Variants in ASXL3 observed in about 807,000 individuals in gnomAD.
ASXL3 encodes ASXL transcriptional regulator 3, also known as putative Polycomb group protein ASXL3.
In ASXL3, 34 loss-of-function variants were observed where a neutral mutation model predicts 170.6. The ratio of observed to expected loss-of-function variants is 0.20; its 90% CI spans 0.15 to 0.27. The LOEUF is 0.27. ASXL3 is among the 10% of genes least tolerant of loss of function. The pLI, the probability that ASXL3 is intolerant of heterozygous loss-of-function variation, is 1.00. For missense variants in ASXL3, 2,592 were observed against 2,695.3 expected, an observed-to-expected ratio of 0.96 and a Z score of 0.85; for synonymous variants, 1,002 against 989.1, an observed-to-expected ratio of 1.01 and a Z score of -0.24.
intron 2 of ASXL3, among the ~76,000 whole-genome samples, chr18:33,631,475 A>G (rs1375250407): frequency 6.6e-6 from 1 of 152,126 alleles, no homozygotes; most frequent in Non-Finnish European, 1.5e-5. Context: ...TTGAAAAGTC[A>G]GTTGGCATTA....
At chr18:33,630,977 A>G (rs1472994557) in intron 2 of ASXL3, among the ~76,000 whole-genome samples, 1 of 152,134 alleles carries the variant, frequency 6.6e-6, no homozygotes, top group East Asian at 1.9e-4. Flanking sequence ...ATAGAAAAAA[A>G]TTAGAAAAAA....
At chr18:33,595,177 C>G (rs190830368) in intron 1 of ASXL3, among the ~76,000 whole-genome samples, 1 of 152,120 alleles carries the variant, frequency 6.6e-6, no homozygotes, top group Non-Finnish European at 1.5e-5. Flanking sequence ...AGGTAAATAA[C>G]TTTTACCGCT....
At chr18:33,618,242 A>G (rs897700582) in intron 2 of ASXL3, among the ~76,000 whole-genome samples, 13 of 152,132 alleles carry the variant, frequency 8.5e-5, no homozygotes, top group African/African-American at 3.1e-4. Flanking sequence ...AGCAAAAATG[A>G]AATTGATAAT....
At chr18:33,686,867 A>G (rs1358875100) in intron 8 of ASXL3, among the ~76,000 whole-genome samples, 3 of 152,308 alleles carry the variant, frequency 2.0e-5, no homozygotes, top group Admixed American at 2.0e-4. Flanking sequence ...GATAAATAAA[A>G]TGCAGTCCTT....
At chr18:33,618,685 C>CT (rs2065465877) in intron 2 of ASXL3, among the ~76,000 whole-genome samples, 1 of 152,010 alleles carries the variant, frequency 6.6e-6, no homozygotes, top group Admixed American at 6.6e-5. Flanking sequence ...CCATTTCTGC[C>CT]TTTGAGTATT....
intron 4 of ASXL3, among the ~76,000 whole-genome samples, chr18:33,651,726 A>G (rs2066002136): frequency 6.6e-6 from 1 of 152,100 alleles, no homozygotes; most frequent in African/African-American, 2.4e-5. Context: ...TTTTGTAAAA[A>G]CTGATAAGAA....
Position 33,607,732 on chromosome 18 carries a change from G to T in ASXL3, c.137+56G>T, listed in dbSNP as rs149720260. 2.3e-6 allele frequency: 3 copies of T among 1,316,972 alleles called. No homozygotes were observed. The African/African-American group carries it at 4.4e-5, about 19-fold the overall frequency. 81.6% of individuals were successfully genotyped at this position (1,316,972 alleles called of 1,614,324 possible). A position where few individuals can be genotyped will look rare whatever the true frequency, so the allele number is the denominator to read the frequency against. On this transcript the variant is annotated intron_variant, in intron 2 of 11. Coordinates refer to ENST00000269197, the MANE Select transcript of ASXL3 (RefSeq NM_030632.3). ...TTTCATTAAATAATAATTGCCACTC[G>T]TTGCTAAGCGATAGGTGTATCTAGA...
chr18:33,605,364 T>TTACACAGCTCAATCAA (rs2065235015), intron 1 of ASXL3: 1 of 152,060 alleles, frequency 6.6e-6, no homozygotes, highest in Non-Finnish European at 1.5e-5. Context: ...CTATTAATGT[T>TTACACAGCTCAATCAA]TACACAGCTC....
At chr18:33,594,972 C>T (rs1599377369) in intron 1 of ASXL3, among the ~76,000 whole-genome samples, 1 of 152,100 alleles carries the variant, frequency 6.6e-6, no homozygotes, top group East Asian at 1.9e-4. Flanking sequence ...TAGTATAAAC[C>T]ATTATGGTAA....
intron 1 of ASXL3, among the ~76,000 whole-genome samples, chr18:33,591,919 G>GCAA (rs2065081406): frequency 6.6e-6 from 1 of 152,070 alleles, no homozygotes; most frequent in South Asian, 2.1e-4. Flanking sequence ...GGGATTACAG[G>GCAA]CAACACTACT....
At chr18:33,622,391 T>G (rs2145154851) in intron 2 of ASXL3, among the ~76,000 whole-genome samples, 1 of 152,268 alleles carries the variant, frequency 6.6e-6, no homozygotes, top group South Asian at 2.1e-4. Flanking sequence ...TATTAAACCC[T>G]TTGCATTTAA....
intron 2 of ASXL3, among the ~76,000 whole-genome samples, chr18:33,613,955 C>T (rs1046894473): frequency 6.6e-6 from 1 of 152,082 alleles, no homozygotes; most frequent in African/African-American, 2.4e-5. Flanking sequence ...TCTGAACCTT[C>T]AGCAAGTCAT....
chr18:33,668,360 G>A (rs558477853), intron 5 of ASXL3, among the ~76,000 whole-genome samples: 3 of 151,138 alleles, frequency 2.0e-5, no homozygotes, highest in Non-Finnish European at 2.9e-5. Flanking sequence ...CCCAGGAGGT[G>A]GAGCTTGCAG....
chr18:33,623,255 C>A (rs1229748105), intron 2 of ASXL3, among the ~76,000 whole-genome samples: 2 of 152,142 alleles, frequency 1.3e-5, no homozygotes, highest in Non-Finnish European at 2.9e-5. Flanking sequence ...AATAAACTCT[C>A]TCAATTTTTC....
chr18:33,733,997 A>G (rs2067498750), intron 9 of ASXL3, among the ~76,000 whole-genome samples: 1 of 142,814 alleles, frequency 7.0e-6, no homozygotes, highest in African/African-American at 3.0e-5. Context: ...GACAGTGAAT[A>G]TACGCTCTTT....
chr18:33,740,504 A>G, intron 11 of ASXL3, 61 bp downstream of exon 11: 1 of 1,410,826 alleles, frequency 7.1e-7, no homozygotes, highest in South Asian at 1.6e-5. Context: ...TTAGAAGCCT[A>G]ATTTTTCAAG....
chr18:33,743,095 G>A lies in ASXL3; in HGVS notation c.3247G>A (p.Val1083Ile). 2 of 1,613,608 alleles carry A rather than the reference G, an allele frequency of 1.2e-6. No homozygotes were observed. The highest frequency in any genetic ancestry group is 1.7e-6 in the Non-Finnish European group (2 of 1,179,782). ...AAAVAAAASI[V>I]SGAMGSPGEG... ...TGCTGTGGCTGCTGCAGCGAGCATT[G>A]TCTCTGGAGCCATGGGAAGTCCAGG... Residue 1083 changes from valine (V) to isoleucine (I), a missense_variant, in exon 12 of 12, where the codon GTC becomes ATC. Around this residue, in one of 4 missense-constraint regions of ASXL3, gnomAD observed 2,246 missense variants for 2,219.6 expected, o/e 1.01. Transcript: ENST00000269197.
chr18:33,645,201 T>C (rs1231395773), intron 3 of ASXL3, among the ~76,000 whole-genome samples, 199 bp downstream of exon 3: 2 of 151,982 alleles, frequency 1.3e-5, no homozygotes, highest in Non-Finnish European at 2.9e-5. Context: ...GTGGTTTCAC[T>C]CCGTGACATA....
intron 8 of ASXL3, among the ~76,000 whole-genome samples, chr18:33,700,144 T>C (rs1413677928): frequency 1.3e-5 from 2 of 152,106 alleles, no homozygotes; most frequent in South Asian, 2.1e-4. Context: ...GGGTTTTGTT[T>C]GGTTTATTTT....
Sources: gnomAD v4.1 joint callset for allele counts (sites outside exome capture counted in the v4.1 genomes callset) on GRCh38, gnomAD v4.1.1 for gene constraint, gnomAD v4.1.1 regional missense constraint, MANE v1.5 for transcripts, NCBI Gene and HGNC (gene_info 2026-07-23, HGNC 2026-07-21) for gene names.